The following PUDP variants were observed in gnomAD, a reference collection of about 807,000 sequenced individuals.
The protein encoded by PUDP is pseudouridine 5'-phosphatase.
In PUDP, 8 loss-of-function variants were observed where a neutral mutation model predicts 9.4. The ratio of observed to expected loss-of-function variants is 0.85; its 90% CI spans 0.50 to 1.53. The LOEUF (loss-of-function observed/expected upper bound fraction) is 1.53. Among genes scored for constraint, PUDP ranks in the 40% most tolerant of loss-of-function variants. The probability of loss-of-function intolerance (pLI) is 0.00; values close to 1 mark genes in which losing one functional copy is unlikely to be tolerated. For missense variants in PUDP, 188 were observed against 189.7 expected, an observed-to-expected ratio of 0.99 and a Z score of 0.05; for synonymous variants, 99 against 80.7, an observed-to-expected ratio of 1.23 and a Z score of -1.22.
intron 3 of PUDP, among the ~76,000 whole-genome samples, chrX:6,897,242 T>G (rs1297528993): frequency 8.9e-6 from 1 of 111,944 alleles, no homozygotes; most frequent in Non-Finnish European, 1.9e-5. Context: ...AAACCAATAT[T>G]TCTACATGAC....
At chrX:6,746,616 T>C (rs1925003383) in intron 3 of PUDP, among the ~76,000 whole-genome samples, 1 of 110,304 alleles carries the variant, frequency 9.1e-6, no homozygotes, top group Admixed American at 9.7e-5. Flanking sequence ...TTTCCCTGTG[T>C]CCATGTGTTC....
At chrX:6,726,504 C>A (rs775687192), upstream of PUDP, among the ~76,000 whole-genome samples, 2 of 111,944 alleles carry the variant, frequency 1.8e-5, no homozygotes, top group East Asian at 5.6e-4. Context: ...TTGATCATGA[C>A]ACATTGTGTA....
intron 1 of PUDP, among the ~76,000 whole-genome samples, chrX:6,985,517 A>G (rs921627430): frequency 9.0e-6 from 1 of 110,619 alleles, no homozygotes; most frequent in Non-Finnish European, 1.9e-5. Flanking sequence ...TCCTGCTAAG[A>G]ATTACTTTGT....
chrX:7,024,754 C>CTTTTTTT (rs55692944), intron 1 of PUDP, among the ~76,000 whole-genome samples: 4 of 54,435 alleles, frequency 7.3e-5, no homozygotes, highest in East Asian at 7.1e-4. Context: ...GCCCGGCTAA[C>CTTTTTTT]TTTTTTTTTT....
chrX:6,877,609 T>A (rs148287947), intron 3 of PUDP, among the ~76,000 whole-genome samples: 1 of 111,456 alleles, frequency 9.0e-6, no homozygotes, highest in African/African-American at 3.3e-5. Context: ...CCCATGAGTG[T>A]CATTGATTCA....
chrX:7,053,099 C>T (rs908077843), intron 3 of PUDP, among the ~76,000 whole-genome samples: 13 of 111,983 alleles, frequency 1.2e-4, no homozygotes, highest in Non-Finnish European at 2.3e-4. Flanking sequence ...TCAAAATATC[C>T]GTCACCTTCT....
At chrX:6,881,112 A>T (rs1022422008) in intron 3 of PUDP, among the ~76,000 whole-genome samples, 1 of 112,543 alleles carries the variant, frequency 8.9e-6, no homozygotes, top group Non-Finnish European at 1.9e-5. Flanking sequence ...TAGAATCCAC[A>T]CACTATACAG....
chrX:7,129,592 GA>G (rs1311255700), intron 1 of PUDP, among the ~76,000 whole-genome samples: 1 of 112,221 alleles, frequency 8.9e-6, no homozygotes, highest in African/African-American at 3.2e-5. Context: ...TACCTGAGGG[GA>G]TATTCCCTGA....
At chrX:6,754,255 TA>T (rs933495728) in intron 3 of PUDP, among the ~76,000 whole-genome samples, 2 of 111,287 alleles carry the variant, frequency 1.8e-5, no homozygotes, top group Non-Finnish European at 1.9e-5. Flanking sequence ...GATGGTTTTA[TA>T]AAAGGCTTTT....
chrX:6,807,316 T>C (rs1165331677), intron 3 of PUDP, among the ~76,000 whole-genome samples: 1 of 112,189 alleles, frequency 8.9e-6, no homozygotes, highest in Non-Finnish European at 1.9e-5. Context: ...TGGCTCTTTG[T>C]AATTCCTTTC....
At chrX:6,962,146 C>G (rs947563939) in intron 3 of PUDP, among the ~76,000 whole-genome samples, 3 of 111,707 alleles carry the variant, frequency 2.7e-5, no homozygotes, top group African/African-American at 9.8e-5. Flanking sequence ...ATTCCCTGTG[C>G]TATGTAAGTA....
chrX:6,916,935 A>G (rs1295703738), intron 3 of PUDP, among the ~76,000 whole-genome samples: 1 of 112,305 alleles, frequency 8.9e-6, no homozygotes, highest in African/African-American at 3.2e-5. Context: ...TATCGTTTCT[A>G]TATCTATGCA....
intron 3 of PUDP, among the ~76,000 whole-genome samples, chrX:6,751,047 C>T (rs1334762130): frequency 9.1e-6 from 1 of 109,991 alleles, no homozygotes; most frequent in African/African-American, 3.3e-5. Context: ...GAGGCTGAGG[C>T]AGGAGAATGG....
rs1447718572 is a variant in PUDP at position 7,034,097 on chromosome X, C to T, written c.204+43123G>A. ...AAGTTGAAAAGAATATTTTAAGAAA[C>T]ATTTGAGGACATATTATAGTTTGCT... is the stretch of plus-strand genomic sequence containing the variant. On this transcript the variant is annotated intron_variant and NMD_transcript_variant, in intron 1 of 3. Coordinates refer to the PUDP transcript ENST00000655425. 2.7e-5 allele frequency among the ~76,000 whole-genome samples: 3 copies of T among 111,657 alleles called. No individual in the cohort carries two copies. In the Admixed American group the frequency reaches 2.8e-4, roughly 11 times the overall value.
At chrX:7,000,139 AAG>A (rs10699067) in intron 1 of PUDP, among the ~76,000 whole-genome samples, 78 of 104,255 alleles carry the variant, frequency 7.5e-4, no homozygotes, top group Admixed American at 1.4e-3. Flanking sequence ...GAGAGAGGAA[AAG>A]AGAGAGAGAG....
rs1929648756 is a variant in PUDP, at chrX:7,022,598, A to G, written c.205-44255T>C. Among the ~76,000 whole-genome samples, 4 of 111,683 alleles carry G rather than the reference A, an allele frequency of 3.6e-5. No homozygotes were observed. The Admixed American group carries it at 3.8e-4, about 11-fold the overall frequency. ...GCACATGCGTATGATTCTGGCCTCC[A>G]CTGCCAGAATCCCTGGGTTCAAAAT... On this transcript the variant is annotated intron_variant and NMD_transcript_variant, in intron 1 of 3. Coordinates refer to the PUDP transcript ENST00000655425.
In PUDP at chrX:6,959,512, C is replaced by T. The variant is rs769127762; in HGVS notation, c.*247+17621G>A. ...GCAAGCGCTGTGCAGGCATGGCTTC[C>T]GCCACCCAAATTTTAAAGGATGTCA... On this transcript the variant is annotated intron_variant and NMD_transcript_variant, in intron 3 of 3. Transcript: ENST00000655425. 4.5e-4 allele frequency among the ~76,000 whole-genome samples: 51 copies of T among 112,451 alleles called. 1 individual carries two copies. The highest frequency in any genetic ancestry group is 8.8e-4 in the Non-Finnish European group (47 of 53,246).
chrX:6,740,502 C>G (rs1924922473), intron 3 of PUDP, among the ~76,000 whole-genome samples: 1 of 111,862 alleles, frequency 8.9e-6, no homozygotes, highest in South Asian at 3.7e-4. Flanking sequence ...TTTTATAAAG[C>G]TCAAGGACCA....
intron 3 of PUDP, among the ~76,000 whole-genome samples, chrX:6,848,128 C>G (rs1926775933): frequency 9.0e-6 from 1 of 111,710 alleles, no homozygotes; most frequent in Non-Finnish European, 1.9e-5. Flanking sequence ...TAATCCTTAC[C>G]TAGTTTAGAG....
Sources: gnomAD v4.1 joint callset for allele counts (sites outside exome capture counted in the v4.1 genomes callset) on GRCh38, gnomAD v4.1.1 for gene constraint, MANE v1.5 for transcripts, NCBI Gene and HGNC (gene_info 2026-07-23, HGNC 2026-07-21) for gene names.